The following B3GALT1 variants were observed in gnomAD, a reference collection of about 807,000 sequenced individuals.
B3GALT1 encodes beta-1,3-galactosyltransferase 1.
A neutral mutation model predicts 23.2 loss-of-function variants in B3GALT1; 10 were observed. That is an observed-to-expected ratio of 0.43 (90% confidence interval 0.27 to 0.73). B3GALT1 has a LOEUF of 0.73. B3GALT1 is among the 30% of genes least tolerant of loss of function. The pLI is 0.21. For synonymous variants in B3GALT1, 156 were observed against 141.5 expected, an observed-to-expected ratio of 1.10 and a Z score of -0.73; for missense variants, 299 against 405.4, an observed-to-expected ratio of 0.74 and a Z score of 2.25.
intron 2 of B3GALT1, among the ~76,000 whole-genome samples, chr2:167,535,184 G>A (rs1199329178): frequency 9.9e-5 from 15 of 152,176 alleles, no homozygotes; most frequent in Non-Finnish European, 2.9e-5. Flanking sequence ...AATAAAAGCA[G>A]TAAATCATAG....
intron 3 of B3GALT1, among the ~76,000 whole-genome samples, chr2:167,666,424 C>G (rs1196613563): frequency 6.6e-6 from 1 of 152,042 alleles, no homozygotes; most frequent in Admixed American, 6.6e-5. Flanking sequence ...AATGTATATT[C>G]TGTTGATTTG....
chr2:167,823,709 T>C (rs907252021), intron 4 of B3GALT1, among the ~76,000 whole-genome samples: 1 of 152,206 alleles, frequency 6.6e-6, no homozygotes, highest in African/African-American at 2.4e-5. Flanking sequence ...TGGCCCCAGC[T>C]CATTCCAAGT....
chr2:167,383,795 G>A (rs948919491), intron 1 of B3GALT1, among the ~76,000 whole-genome samples: 13 of 152,140 alleles, frequency 8.5e-5, no homozygotes, highest in Non-Finnish European at 1.6e-4. Flanking sequence ...CCTCACAGCC[G>A]TTTGCAATAT....
intron 1 of B3GALT1, among the ~76,000 whole-genome samples, chr2:167,438,296 T>C (rs1327633514): frequency 1.3e-5 from 2 of 152,132 alleles, no homozygotes; most frequent in African/African-American, 2.4e-5. Context: ...AACAAGAAGT[T>C]TCTCTGGGAG....
chr2:167,652,602 C>T (rs1326929008), intron 3 of B3GALT1, among the ~76,000 whole-genome samples: 1 of 152,106 alleles, frequency 6.6e-6, no homozygotes, highest in Non-Finnish European at 1.5e-5. Context: ...ATCAGGATGC[C>T]TGCCTTACAG....
At chr2:167,468,159 C>T (rs932249928) in intron 1 of B3GALT1, among the ~76,000 whole-genome samples, 2 of 152,068 alleles carry the variant, frequency 1.3e-5, no homozygotes, top group Non-Finnish European at 2.9e-5. Flanking sequence ...TGTGCACTAT[C>T]TGAAGGACTG....
At chr2:167,436,870 C>T (rs1052388050) in intron 1 of B3GALT1, among the ~76,000 whole-genome samples, 2 of 152,088 alleles carry the variant, frequency 1.3e-5, no homozygotes, top group Admixed American at 1.3e-4. Context: ...AAATTTGCCC[C>T]TGAGGTTAGT....
intron 3 of B3GALT1, among the ~76,000 whole-genome samples, chr2:167,746,548 C>T (rs1284162387): frequency 6.6e-6 from 1 of 152,194 alleles, no homozygotes; most frequent in African/African-American, 2.4e-5. Flanking sequence ...AATTCTTTTG[C>T]TGTTGAACAA....
chr2:167,466,617 C>CAAAAAAA (rs1175269957), intron 1 of B3GALT1, among the ~76,000 whole-genome samples: 1 of 52,410 alleles, frequency 1.9e-5, no homozygotes, highest in Admixed American at 2.2e-4. Flanking sequence ...AAGACTCTGT[C>CAAAAAAA]AAAAAAAAAA....
chr2:167,588,846 TTTCCTTCCTTCCTTCCTTCTTTCCTTCC>T (rs1317442722), intron 2 of B3GALT1, among the ~76,000 whole-genome samples: 6 of 125,054 alleles, frequency 4.8e-5, no homozygotes, highest in African/African-American at 2.3e-4. Flanking sequence ...TCCTTCCTTC[TTTCCTTCCTTCCTTCCTTCTTTCCTTCC>T]TTCCTTCCTT....
chr2:167,701,816 T>G (rs1686885716), intron 3 of B3GALT1, among the ~76,000 whole-genome samples: 1 of 152,192 alleles, frequency 6.6e-6, no homozygotes, highest in Admixed American at 6.5e-5. Context: ...TGAGGACAGA[T>G]GCTATTTGGC....
intron 1 of B3GALT1, among the ~76,000 whole-genome samples, chr2:167,451,455 G>A (rs1291037325): frequency 6.6e-6 from 1 of 152,134 alleles, no homozygotes; most frequent in Non-Finnish European, 1.5e-5. Flanking sequence ...TGTAGTGATT[G>A]TTATCTCTCT....
At chr2:167,325,370 T>G (rs2105495967) in intron 1 of B3GALT1, among the ~76,000 whole-genome samples, 1 of 152,126 alleles carries the variant, frequency 6.6e-6, no homozygotes, top group Non-Finnish European at 1.5e-5. Flanking sequence ...AGGGAGCTTT[T>G]ACTTGTGGAA....
At chr2:167,452,420 C>G (rs551352402) in intron 1 of B3GALT1, among the ~76,000 whole-genome samples, 1 of 152,284 alleles carries the variant, frequency 6.6e-6, no homozygotes, top group South Asian at 2.1e-4. Context: ...CTAAATTTGT[C>G]TCAGCTCCAG....
intron 2 of B3GALT1, among the ~76,000 whole-genome samples, chr2:167,498,262 G>A (rs967279560): frequency 6.6e-6 from 1 of 152,104 alleles, no homozygotes; most frequent in Admixed American, 6.5e-5. Context: ...TATAGGACAC[G>A]TTGATTTTTT....
intron 1 of B3GALT1, among the ~76,000 whole-genome samples, chr2:167,313,760 T>TG (rs1696668007): frequency 6.6e-6 from 1 of 152,194 alleles, no homozygotes; most frequent in African/African-American, 2.4e-5. Flanking sequence ...TCCTGACAGA[T>TG]GCACAACAAG....
intron 1 of B3GALT1, among the ~76,000 whole-genome samples, chr2:167,404,280 C>T (rs370076670): frequency 4.2e-4 from 64 of 152,196 alleles, no homozygotes; most frequent in Admixed American, 1.6e-3. Flanking sequence ...ATGAAGGATC[C>T]GCCTCCATAA....
intron 1 of B3GALT1, among the ~76,000 whole-genome samples, chr2:167,391,371 C>T (rs1016794813): frequency 2.6e-5 from 4 of 152,160 alleles, no homozygotes; most frequent in Non-Finnish European, 5.9e-5. Context: ...TATTCAGAAG[C>T]TTTCACATAA....
chr2:167,574,124 A>G (rs1385387462), intron 2 of B3GALT1, among the ~76,000 whole-genome samples: 1 of 151,742 alleles, frequency 6.6e-6, no homozygotes, highest in Non-Finnish European at 1.5e-5. Flanking sequence ...AAGAAAGAAT[A>G]TAAATTTCAA....
Sources: gnomAD v4.1 joint callset for allele counts (sites outside exome capture counted in the v4.1 genomes callset) on GRCh38, gnomAD v4.1.1 for gene constraint, MANE v1.5 for transcripts, NCBI Gene and HGNC (gene_info 2026-07-23, HGNC 2026-07-21) for gene names.